The following IPO11 variants were observed in gnomAD, a reference collection of about 807,000 sequenced individuals.
The protein encoded by IPO11 is importin 11.
A neutral mutation model predicts 143.2 loss-of-function variants in IPO11; 66 were observed. The observed-to-expected ratio is 0.46, with a 90% CI of 0.38 to 0.57. IPO11 has a LOEUF of 0.57. Among genes scored for constraint, IPO11 ranks in the 20% least tolerant of loss-of-function variants. The probability of loss-of-function intolerance (pLI) is 0.00; values close to 1 mark genes in which losing one functional copy is unlikely to be tolerated. For missense variants in IPO11, 1,026 were observed against 1,141.0 expected, an observed-to-expected ratio of 0.90 and a Z score of 1.45; for synonymous variants, 385 against 377.8, an observed-to-expected ratio of 1.02 and a Z score of -0.22.
chr5:62,540,310 G>C (rs755500227), intron 24 of IPO11, among the ~76,000 whole-genome samples: 4 of 152,052 alleles, frequency 2.6e-5, no homozygotes, highest in African/African-American at 9.7e-5. Flanking sequence ...GATACTAAAT[G>C]ATTTTTATTC....
chr5:62,439,849 T>TC (rs1261061594), intron 2 of IPO11, among the ~76,000 whole-genome samples: 2 of 152,200 alleles, frequency 1.3e-5, no homozygotes, highest in Non-Finnish European at 2.9e-5. Context: ...AGCTGTCCAT[T>TC]CTAGTCAGGA....
At chr5:62,503,787 A>G (rs1011297000) in intron 16 of IPO11, among the ~76,000 whole-genome samples, 2 of 152,202 alleles carry the variant, frequency 1.3e-5, no homozygotes. Context: ...GAAGGTGGCT[A>G]ATTGCATCTC....
At chr5:62,571,254 T>C (rs1305550006) in intron 27 of IPO11, among the ~76,000 whole-genome samples, 2 of 152,220 alleles carry the variant, frequency 1.3e-5, no homozygotes, top group East Asian at 1.9e-4. Flanking sequence ...ATTTTCATTA[T>C]AATGGAAAGG....
intron 5 of IPO11, among the ~76,000 whole-genome samples, chr5:62,466,752 T>C (rs1745588633): frequency 6.6e-6 from 1 of 152,236 alleles, no homozygotes; most frequent in Non-Finnish European, 1.5e-5. Flanking sequence ...CATATATTGA[T>C]TTATCTGACA....
intron 19 of IPO11, among the ~76,000 whole-genome samples, chr5:62,509,956 T>A (rs543276292): frequency 1.2e-4 from 19 of 152,364 alleles, no homozygotes; most frequent in African/African-American, 3.4e-4. Flanking sequence ...GGTTTTCATT[T>A]TTTTTGGAAG....
At chr5:62,578,630 GA>G in intron 27 of IPO11, 2 of 460,190 alleles carry the variant, frequency 4.3e-6, no homozygotes, top group Non-Finnish European at 4.5e-6. Flanking sequence ...ACTGCATTCT[GA>G]AAAAATAAGT....
chr5:62,517,537 G>T (rs1474933743), intron 20 of IPO11, among the ~76,000 whole-genome samples: 2 of 152,088 alleles, frequency 1.3e-5, no homozygotes, highest in Non-Finnish European at 2.9e-5. Context: ...AGAGTAGCTG[G>T]GATTACAGGC....
intron 22 of IPO11, among the ~76,000 whole-genome samples, chr5:62,533,214 TC>T (rs35738476): frequency 0.63 from 84,925 of 135,226 alleles, 25,297 homozygotes; most frequent in South Asian, 0.69. Flanking sequence ...CTTTCTTTCT[TC>T]TTTTTTTTTT....
intron 16 of IPO11, among the ~76,000 whole-genome samples, chr5:62,499,988 C>A (rs141653109): frequency 1.1e-3 from 173 of 152,252 alleles, no homozygotes; most frequent in African/African-American, 3.9e-3. Context: ...CCTATGATAA[C>A]AATGCCTTCT....
At chr5:62,512,745 T>G (rs1261921939) in intron 19 of IPO11, among the ~76,000 whole-genome samples, 2 of 148,354 alleles carry the variant, frequency 1.3e-5, no homozygotes, top group South Asian at 2.2e-4. Flanking sequence ...GGCAGAGTGT[T>G]TGTGTCCCTG....
chr5:62,545,557 A>G (rs1248274449), intron 24 of IPO11, among the ~76,000 whole-genome samples: 1 of 152,218 alleles, frequency 6.6e-6, no homozygotes, highest in Admixed American at 6.5e-5. Context: ...TTCATGTCTA[A>G]AACACCAAAA....
chr5:62,575,014 T>C (rs1054115076), intron 27 of IPO11, among the ~76,000 whole-genome samples: 2 of 152,258 alleles, frequency 1.3e-5, no homozygotes, highest in Non-Finnish European at 2.9e-5. Context: ...GATTTTCTTG[T>C]TGACAATTGA....
chr5:62,419,044 G>C, intron 1 of IPO11: 1 of 1,551,210 alleles, frequency 6.4e-7, no homozygotes, highest in South Asian at 1.2e-5. Context: ...CTTGGGCTAT[G>C]TGGTATATAG....
intron 27 of IPO11, chr5:62,580,003 A>G: frequency 6.4e-7 from 1 of 1,551,296 alleles, no homozygotes; most frequent in Non-Finnish European, 8.7e-7. Flanking sequence ...TGATTTATCA[A>G]ACAATAACAT....
At chr5:62,600,473 A>G (rs549113823) in intron 28 of IPO11, among the ~76,000 whole-genome samples, 103 of 152,384 alleles carry the variant, frequency 6.8e-4, no homozygotes, top group Admixed American at 3.9e-4. Flanking sequence ...ATGCAGATCC[A>G]TAGTCATTGC....
Position 62,536,764 on chromosome 5 carries a change from T to C in IPO11, c.2152T>C (p.Ser718Pro), listed in dbSNP as rs761091372. 1.3e-6 allele frequency: 2 copies of C among 1,565,538 alleles called. No homozygotes were observed. The highest frequency in any genetic ancestry group is 1.2e-5 in the South Asian group (1 of 82,252). ...CATCAATGGTTATATCTTTTTATCA[T>C]CAACAGAATTTTTACAGGTATGTTG... The part of the protein sequence containing the change: ...KIINGYIFLS[S>P]TEFLQTYAVG... Residue 718 changes from serine to proline, a missense_variant, in exon 23 of 30, where the codon TCA becomes CCA. Coordinates refer to ENST00000325324, the MANE Select transcript of IPO11 (RefSeq NM_016338.5).
Position 62,483,260 on chromosome 5 carries a change from A to C in IPO11, c.988A>C (p.Asn330His), listed in dbSNP as rs993038219. 1.2e-6 allele frequency: 2 copies of C among 1,602,808 alleles called. No individual in the cohort carries two copies. The highest frequency in any genetic ancestry group is 1.7e-6 in the Non-Finnish European group (2 of 1,175,410). The change falls in exon 10 of 30, where the codon AAT (asparagine) becomes CAT (histidine). Residue 330 changes from asparagine to histidine, a missense_variant. This residue lies in a region of IPO11 where 429 missense variants were observed against 456.3 expected (regional missense o/e 0.94). Transcript: ENST00000325324. The stretch of plus-strand genomic sequence containing the variant: ...GAATCTTATTAAGATGATTGTCAAA[A>C]ATTATGCTTATAAGCCATCCAAAAA... ...CMNLIKMIVK[N>H]YAYKPSKNFE... is the part of the protein sequence containing the mutation.
At chr5:62,616,760 G>A (rs1746155536) in intron 29 of IPO11, among the ~76,000 whole-genome samples, 1 of 149,278 alleles carries the variant, frequency 6.7e-6, no homozygotes, top group Non-Finnish European at 1.5e-5. Context: ...TGAGAGAACA[G>A]GATCTGCTTT....
intron 27 of IPO11, among the ~76,000 whole-genome samples, chr5:62,590,679 G>T (rs1449944918): frequency 6.6e-6 from 1 of 152,012 alleles, no homozygotes; most frequent in Non-Finnish European, 1.5e-5. Context: ...CTGTGTTACT[G>T]CCTGCCTGTT....
Sources: allele counts gnomAD v4.1 joint callset (sites outside exome capture counted in the v4.1 genomes callset), GRCh38; gene constraint gnomAD v4.1.1; regional missense constraint gnomAD v4.1.1; transcripts MANE v1.5; gene names NCBI Gene and HGNC (gene_info 2026-07-23, HGNC 2026-07-21).